The following MROH2B variants were observed in gnomAD, a reference collection of about 807,000 sequenced individuals.
MROH2B encodes the protein maestro heat like repeat family member 2B, also known as maestro heat-like repeat-containing protein family member 2B.
A neutral mutation model predicts 208.6 loss-of-function variants in MROH2B; 177 were observed. That is an observed-to-expected ratio of 0.85 (90% CI 0.75 to 0.96). MROH2B has a LOEUF of 0.96. MROH2B is among the 40% of genes least tolerant of loss of function. The probability of loss-of-function intolerance (pLI) is 0.00; values close to 1 mark genes in which losing one functional copy is unlikely to be tolerated. For missense variants in MROH2B, 2,002 were observed against 1,878.7 expected, an observed-to-expected ratio of 1.07 and a Z score of -1.21; for synonymous variants, 728 against 659.0, an observed-to-expected ratio of 1.10 and a Z score of -1.60.
chr5:41,041,448 G>A (rs907391462), intron 19 of MROH2B, among the ~76,000 whole-genome samples: 23 of 151,990 alleles, frequency 1.5e-4, no homozygotes, highest in African/African-American at 5.6e-4. Context: ...CCAACATGGC[G>A]AAACCCTATC....
intron 24 of MROH2B, among the ~76,000 whole-genome samples, chr5:41,022,924 G>T (rs1386158366): frequency 6.7e-6 from 1 of 148,526 alleles, no homozygotes; most frequent in African/African-American, 2.4e-5. Context: ...CTGATAACCA[G>T]GCAAACAGGG....
chr5:41,016,511 T>TTG (rs1240213665), intron 28 of MROH2B, among the ~76,000 whole-genome samples: 5 of 141,442 alleles, frequency 3.5e-5, no homozygotes, highest in Non-Finnish European at 4.6e-5. Flanking sequence ...TTTTTTTTTT[T>TTG]TTTTTTTTTT....
intron 36 of MROH2B, 51 bp from the exon 37 acceptor site, chr5:41,004,579 G>A (rs138283278): frequency 8.5e-4 from 1,327 of 1,568,676 alleles, no homozygotes; most frequent in Non-Finnish European, 1.1e-3. Flanking sequence ...ATGCGTATCT[G>A]GAAGAGGGTA....
chr5:41,042,270 G>C, intron 18 of MROH2B, 62 bp from the exon 19 acceptor site: 1 of 987,522 alleles, frequency 1.0e-6, no homozygotes, highest in Non-Finnish European at 1.6e-6. Flanking sequence ...CTGATGAAAA[G>C]TGGAAAGAGT....
chr5:41,024,063 C>T (rs559875577), intron 24 of MROH2B, among the ~76,000 whole-genome samples: 1 of 152,146 alleles, frequency 6.6e-6, no homozygotes, highest in Non-Finnish European at 1.5e-5. Flanking sequence ...ACAACCAGTA[C>T]CAGCCACTGC....
Position 41,004,803 on chromosome 5 carries a change from C to T in MROH2B, c.3982G>A (p.Gly1328Ser), listed in dbSNP as rs370720750. The change falls in exon 36 of 42, where the codon GGC becomes AGC. Residue 1328 changes from glycine to serine, a missense_variant. Coordinates refer to ENST00000399564, the MANE Select transcript of MROH2B (RefSeq NM_173489.5). The part of the protein sequence containing the change: ...TLRQMAIRGL[G>S]NTASGAPHKV... ...TGAGGAGCCCCGGATGCTGTGTTGC[C>T]GAGCCCTCGGATGGCCATCTGCCTC... The T allele has an allele frequency of 1.9e-6, 3 of 1,613,828 alleles. No homozygotes were observed. Among genetic ancestry groups the T allele is most frequent in the East Asian group, 2.2e-5 (1 of 44,868 alleles).
chr5:41,052,269 TAA>T (rs5867536), intron 12 of MROH2B, among the ~76,000 whole-genome samples, 194 bp downstream of exon 12: 48,296 of 151,222 alleles, frequency 0.32, 8,426 homozygotes, highest in Non-Finnish European at 0.39. Context: ...ATAAAAGTGA[TAA>T]GATTAAAATA....
chr5:41,069,594 G>T, intron 2 of MROH2B, 97 bp downstream of exon 2: 1 of 930,008 alleles, frequency 1.1e-6, no homozygotes, highest in Non-Finnish European at 1.7e-6. Flanking sequence ...TAACAAGCCA[G>T]AGAAAAATGA....
At chr5:41,003,025 A>G (rs1239695362) in intron 37 of MROH2B, among the ~76,000 whole-genome samples, 1 of 147,172 alleles carries the variant, frequency 6.8e-6, no homozygotes, top group Non-Finnish European at 1.5e-5. Flanking sequence ...CAGTGGCATG[A>G]TCTCGGCTCA....
intron 37 of MROH2B, among the ~76,000 whole-genome samples, chr5:41,002,432 C>T (rs1034459068): frequency 1.3e-5 from 2 of 152,114 alleles, no homozygotes; most frequent in Non-Finnish European, 2.9e-5. Flanking sequence ...ATTTTCTGTT[C>T]TACCATTTCA....
At position 41,061,668 on chromosome 5, in the gene MROH2B, G is replaced by GA. The variant is rs748347676; in HGVS notation, c.516dup (p.Pro173SerfsTer12). The GA allele has an allele frequency of 2.5e-6, 4 of 1,613,912 alleles. No individual in the cohort carries two copies. In the South Asian group the frequency reaches 4.4e-5, roughly 18 times the overall value. ...CGGTTGGCATCCAGTCTGGGGTAGG[G>GA]AAAATCTCTCCAGTGGTTGACATAT... On this transcript the variant is annotated frameshift_variant, in exon 6 of 42. Coordinates refer to ENST00000399564, the MANE Select transcript of MROH2B (RefSeq NM_173489.5). LOFTEE classifies it high-confidence loss of function.
chr5:41,071,212 C>T lies in MROH2B; in HGVS notation c.-360G>A, dbSNP rs573886388. The T allele has an allele frequency of 3.2e-4, 75 of 237,170 alleles. No homozygotes were observed. In the South Asian group the frequency reaches 6.0e-3, roughly 19 times the overall value. 14.7% of individuals were successfully genotyped at this position (237,170 alleles called of 1,614,324 possible). The stretch of plus-strand genomic sequence containing the variant: ...GTTGCAGACCAAAGGTGCTCCTCTC[C>T]CTAAACTTGAGTCCATTGATCACAA... On this transcript the variant is annotated 5_prime_UTR_variant, in exon 1 of 42. Coordinates refer to ENST00000399564, the MANE Select transcript of MROH2B (RefSeq NM_173489.5).
At chr5:41,045,891 G>A (rs370264741) in intron 17 of MROH2B, 38 bp from the exon 18 acceptor site, 78 of 1,421,610 alleles carry the variant, frequency 5.5e-5, no homozygotes, top group South Asian at 6.8e-5. Context: ...GAATATGACC[G>A]TTTCATGTGC....
chr5:41,062,851 TG>T (rs1227581275), intron 5 of MROH2B, among the ~76,000 whole-genome samples: 1 of 152,166 alleles, frequency 6.6e-6, no homozygotes. Context: ...TGGCTGTGTG[TG>T]TGTATGTGTG....
chr5:41,065,263 C>T (rs750794526), intron 4 of MROH2B, 68 bp downstream of exon 4: 3 of 1,458,644 alleles, frequency 2.1e-6, no homozygotes, highest in Non-Finnish European at 1.8e-6. Context: ...CCGTTTGCTC[C>T]CATTTAGCTT....
chr5:40,998,756 C>A (rs747456887), intron 40 of MROH2B, 79 bp from the exon 41 acceptor site: 51 of 1,162,834 alleles, frequency 4.4e-5, no homozygotes, highest in Non-Finnish European at 6.0e-5. Flanking sequence ...TTAGACTCTG[C>A]ACCTGGTGAG....
At chr5:41,021,867 C>G (rs1023190924) in intron 24 of MROH2B, among the ~76,000 whole-genome samples, 1 of 151,848 alleles carries the variant, frequency 6.6e-6, no homozygotes, top group Admixed American at 6.6e-5. Context: ...CAGAGTGAGA[C>G]CCCGTCTCAA....
chr5:40,998,223 C>T (rs1053899163), intron 41 of MROH2B, 65 bp from the exon 42 acceptor site: 8 of 1,352,536 alleles, frequency 5.9e-6, no homozygotes, highest in Middle Eastern at 2.2e-4. Flanking sequence ...AAGGGCAAAC[C>T]AAGCCAAGGC....
rs1741729594 is a variant in MROH2B, at chr5:41,010,130, G to T, written c.3136-51C>A. On this transcript the variant is annotated intron_variant, in intron 30 of 41. Coordinates refer to ENST00000399564, the MANE Select transcript of MROH2B (RefSeq NM_173489.5). ...CATTAAGTTGCCATTTTCCCTCTAT[G>T]TGAATGACTCAGAACAGGTATCTGT... 14 of 1,585,172 alleles carry T rather than the reference G, an allele frequency of 8.8e-6. No homozygotes were observed. The South Asian group carries it at 1.6e-4, about 18-fold the overall frequency.
Sources: gnomAD v4.1 joint callset for allele counts (sites outside exome capture counted in the v4.1 genomes callset) on GRCh38, gnomAD v4.1.1 for gene constraint, MANE v1.5 for transcripts, NCBI Gene and HGNC (gene_info 2026-07-23, HGNC 2026-07-21) for gene names.